PPP5C: variants seen among roughly 807,000 people sequenced by gnomAD.
PPP5C encodes protein phosphatase 5 catalytic subunit, also known as serine/threonine-protein phosphatase 5.
In PPP5C, 21 loss-of-function variants were observed where a neutral mutation model predicts 66.7. The observed-to-expected ratio is 0.31, with a 90% CI of 0.22 to 0.45. The LOEUF (loss-of-function observed/expected upper bound fraction) is 0.45, where lower values mean the gene tolerates loss of function less well. PPP5C is among the 20% of genes least tolerant of loss of function. PPP5C has a pLI of 1.00. For synonymous variants in PPP5C, 246 were observed against 257.4 expected, an observed-to-expected ratio of 0.96 and a Z score of 0.43; for missense variants, 464 against 675.9, an observed-to-expected ratio of 0.69 and a Z score of 3.48.
intron 2 of PPP5C, among the ~76,000 whole-genome samples, chr19:46,362,764 G>A (rs1972412414): frequency 6.6e-6 from 1 of 151,726 alleles, no homozygotes; most frequent in Non-Finnish European, 1.5e-5. Flanking sequence ...AGAAAACATA[G>A]TTTTTATTTA....
chr19:46,383,305 C>G lies in PPP5C; in HGVS notation c.634-106C>G. ...CCCTTTTTCTTCTCTCCCTGCTTCT[C>G]CCTCGCCCTCAGCCCAGCAGCGTCT... is the stretch of plus-strand genomic sequence containing the variant. On this transcript the variant is annotated intron_variant, in intron 4 of 12. Transcript: ENST00000012443. The surrounding 1 kb of genome is among the most constrained non-coding windows in gnomAD (Gnocchi z 5.0). The G allele has an allele frequency of 6.4e-7, 1 of 1,554,570 alleles. No homozygotes were observed. The highest frequency in any genetic ancestry group is 1.4e-5 in the African/African-American group (1 of 73,236).
In PPP5C at chr19:46,388,825, G is replaced by A. The variant is rs980668420; in HGVS notation, c.1355+94G>A. 5.2e-5 allele frequency: 76 copies of A among 1,458,946 alleles called. No individual in the cohort carries two copies. The highest frequency in any genetic ancestry group is 6.7e-5 in the Non-Finnish European group (72 of 1,069,368). The allele number at this position is 1,458,946 out of a possible 1,614,324, so 90.4% of individuals were successfully genotyped here. The stretch of plus-strand genomic sequence containing the variant: ...CCTTTTTATGATGGAACATTTCAAA[G>A]ACAGGCAAGAGCAGATAAAAGAACA... On this transcript the variant is annotated intron_variant, in intron 11 of 12. Transcript: ENST00000012443. The surrounding 1 kb of genome is among the most constrained non-coding windows in gnomAD (Gnocchi z 4.9).
intron 2 of PPP5C, 47 bp downstream of exon 2, chr19:46,354,036 C>T: frequency 6.3e-7 from 1 of 1,598,192 alleles, no homozygotes; most frequent in Non-Finnish European, 8.5e-7. Flanking sequence ...CAGGCAGATA[C>T]TGAGGGCTGG....
chr19:46,367,066 C>T (rs907575093), intron 2 of PPP5C, among the ~76,000 whole-genome samples: 6 of 152,132 alleles, frequency 3.9e-5, no homozygotes, highest in African/African-American at 2.4e-5. Flanking sequence ...TACATAGGTG[C>T]GGGACTAGTG....
At position 46,387,169 on chromosome 19, in the gene PPP5C, G is replaced by A. The variant is rs201851594; in HGVS notation, c.981G>A (p.Met327Ile). The A allele has an allele frequency of 9.0e-5, 145 of 1,614,266 alleles. No homozygotes were observed. Among genetic ancestry groups the A allele is most frequent in the Non-Finnish European group, 5.9e-6 (7 of 1,180,044 alleles). ...TGAAGGCCAAGTACACAGCCCAGAT[G>A]TACGAGCTCTTTAGCGAGGTGTTCG... ...GEVKAKYTAQ[M>I]YELFSEVFEW... The change falls in exon 8 of 13, where the codon ATG becomes ATA. Residue 327 changes from methionine (M) to isoleucine (I), a missense_variant. This residue lies in a region of PPP5C where 387 missense variants were observed against 626.0 expected (regional missense o/e 0.62). Transcript: ENST00000012443.
chr19:46,384,783 A>T lies in PPP5C; in HGVS notation c.799-21A>T, dbSNP rs753651297. The T allele has an allele frequency of 3.8e-6, 6 of 1,571,192 alleles. No homozygotes were observed. The African/African-American group carries it at 8.1e-5, about 21-fold the overall frequency. On this transcript the variant is annotated intron_variant, in intron 6 of 12. Transcript: ENST00000012443. ...CGCACCCTTCCCCTCCACGCTTGCCATGTTTTCCTCAGCAGGACAGATATT... is the reference window on the plus strand; with the variant it reads ...CGCACCCTTCCCCTCCACGCTTGCCTTGTTTTCCTCAGCAGGACAGATATT...
At chr19:46,374,578 C>T (rs748458124) in intron 2 of PPP5C, among the ~76,000 whole-genome samples, 1 of 152,156 alleles carries the variant, frequency 6.6e-6, no homozygotes, top group Non-Finnish European at 1.5e-5. Flanking sequence ...TTGCAGGAAT[C>T]GGGGTAAATA....
At chr19:46,385,634 G>A (rs1311029452) in intron 7 of PPP5C, among the ~76,000 whole-genome samples, 1 of 152,134 alleles carries the variant, frequency 6.6e-6, no homozygotes, top group East Asian at 1.9e-4. Flanking sequence ...ACAAAAATTA[G>A]CCGGGCATGG....
At chr19:46,384,644 C>T (rs1373524015) in intron 6 of PPP5C, 160 bp from the exon 7 acceptor site, 1 of 602,034 alleles carries the variant, frequency 1.7e-6, no homozygotes, top group Non-Finnish European at 3.0e-6. Context: ...AAACCCAGAT[C>T]CCTTGAGCCC....
chr19:46,362,989 G>A lies in PPP5C; in HGVS notation c.363+9000G>A, dbSNP rs796578401. The stretch of plus-strand genomic sequence containing the variant: ...TTTTTAGTAGAGATGGGGTTTCACC[G>A]TGTTAGCCAGGATGGTCTCGATCTC... On this transcript the variant is annotated intron_variant, in intron 2 of 12. Coordinates refer to ENST00000012443, the MANE Select transcript of PPP5C (RefSeq NM_006247.4). 2.7e-5 allele frequency among the ~76,000 whole-genome samples: 4 copies of A among 149,838 alleles called. No individual in the cohort carries two copies. In the South Asian group the frequency reaches 6.3e-4, roughly 24 times the overall value.
intron 2 of PPP5C, among the ~76,000 whole-genome samples, chr19:46,367,015 A>G (rs1972501782): frequency 6.6e-6 from 1 of 152,220 alleles, no homozygotes; most frequent in Admixed American, 6.5e-5. Context: ...AATCTAGCAC[A>G]TGCCTCCTCT....
At chr19:46,364,210 G>T (rs1972453782) in intron 2 of PPP5C, among the ~76,000 whole-genome samples, 1 of 146,738 alleles carries the variant, frequency 6.8e-6, no homozygotes, top group Non-Finnish European at 1.5e-5. Context: ...ATATATACGT[G>T]TGTGTGTGTA....
At chr19:46,356,219 T>G (rs1404143559) in intron 2 of PPP5C, among the ~76,000 whole-genome samples, 1 of 152,138 alleles carries the variant, frequency 6.6e-6, no homozygotes, top group Non-Finnish European at 1.5e-5. Flanking sequence ...ATGGCCCATT[T>G]CCCCATGGGG....
chr19:46,374,278 T>G (rs1475531545), intron 2 of PPP5C, among the ~76,000 whole-genome samples: 1 of 151,984 alleles, frequency 6.6e-6, no homozygotes, highest in Non-Finnish European at 1.5e-5. Context: ...CCTGCAGGGG[T>G]CAGTGGGTGT....
At chr19:46,361,474 T>C (rs1972388937) in intron 2 of PPP5C, among the ~76,000 whole-genome samples, 1 of 143,872 alleles carries the variant, frequency 7.0e-6, no homozygotes, top group Non-Finnish European at 1.5e-5. Flanking sequence ...CAGCCGGGCA[T>C]GGTGGCTCAC....
intron 2 of PPP5C, among the ~76,000 whole-genome samples, chr19:46,370,970 G>C (rs1408941370): frequency 2.0e-5 from 3 of 152,144 alleles, no homozygotes; most frequent in Non-Finnish European, 2.9e-5. Flanking sequence ...TTGATCTCCT[G>C]ACCTCATGAT....
At chr19:46,359,493 G>A (rs1002862277) in intron 2 of PPP5C, among the ~76,000 whole-genome samples, 1 of 152,094 alleles carries the variant, frequency 6.6e-6, no homozygotes, top group Non-Finnish European at 1.5e-5. Context: ...ACTTACTGTA[G>A]CCAAGATAGA....
Position 46,347,144 on chromosome 19 carries a change from G to T in PPP5C, c.48G>T (p.Arg16=), listed in dbSNP as rs139958712. The change falls in exon 1 of 13, where the codon CGG becomes CGT. Residue 16 remains arginine, a synonymous_variant. Coordinates refer to ENST00000012443, the MANE Select transcript of PPP5C (RefSeq NM_006247.4). ...GGACTGAGTGTGCTGAGCCCCCCCG[G>T]GACGAACCCCCGGCTGATGGAGCTC... is the stretch of plus-strand genomic sequence containing the variant. The part of the protein sequence containing the change: ...GERTECAEPP[R]DEPPADGALK... The T allele has an allele frequency of 9.6e-4, 1,537 of 1,605,538 alleles. 2 individuals carry two copies. The highest frequency in any genetic ancestry group is 1.2e-3 in the Non-Finnish European group (1,436 of 1,176,344).
At chr19:46,350,367 G>T (rs1388576704) in intron 1 of PPP5C, among the ~76,000 whole-genome samples, 2 of 152,192 alleles carry the variant, frequency 1.3e-5, no homozygotes, top group Non-Finnish European at 1.5e-5. Flanking sequence ...TGGGATGGGA[G>T]CAGCCTGCAT....
Sources: gnomAD v4.1 joint callset for allele counts (sites outside exome capture counted in the v4.1 genomes callset) on GRCh38, gnomAD v4.1.1 for gene constraint, gnomAD v4.1.1 regional missense constraint, Gnocchi (gnomAD v3.1) non-coding constraint, MANE v1.5 for transcripts, NCBI Gene and HGNC (gene_info 2026-07-23, HGNC 2026-07-21) for gene names.